The following CUL4B variants were observed in gnomAD, a reference collection of about 807,000 sequenced individuals.
CUL4B encodes the protein cullin 4B.
In CUL4B, 1 loss-of-function variant was observed where a neutral mutation model predicts 69.2. That is an observed-to-expected ratio of 0.01 (90% CI 0.01 to 0.07). The LOEUF is 0.07. Among genes scored for constraint, CUL4B ranks in the 10% least tolerant of loss-of-function variants. The pLI, the probability that CUL4B is intolerant of heterozygous loss-of-function variation, is 1.00. For missense variants in CUL4B, 328 were observed against 638.8 expected (o/e 0.51, Z 5.24); for synonymous variants, 237 against 223.2 (o/e 1.06, Z -0.55).
At chrX:120,547,109 C>G (rs1924386473) in intron 3 of CUL4B, 27 bp downstream of exon 3, 1 of 1,053,584 alleles carries the variant, frequency 9.5e-7, no homozygotes, top group African/African-American at 1.9e-5. Flanking sequence ...CAAAACTATT[C>G]ACGATTTTTT....
chrX:120,565,870 C>T (rs773677360), upstream of CUL4B, among the ~76,000 whole-genome samples: 18 of 104,204 alleles, frequency 1.7e-4, no homozygotes, highest in African/African-American at 4.2e-4. Context: ...GGACTACAGG[C>T]GCCTACCACC....
chrX:120,530,703 T>C (rs1174949423), intron 18 of CUL4B, among the ~76,000 whole-genome samples: 1 of 112,195 alleles, frequency 8.9e-6, no homozygotes, highest in Non-Finnish European at 1.9e-5. Flanking sequence ...AGCAAACTAG[T>C]TAAGAGTCAA....
At chrX:120,543,451 AAAGGTCAC>A (rs1233576387) in intron 8 of CUL4B, among the ~76,000 whole-genome samples, 1 of 108,960 alleles carries the variant, frequency 9.2e-6, no homozygotes, top group African/African-American at 3.3e-5. Flanking sequence ...TGAAGAGTTT[AAAGGTCAC>A]ATCAGCCTCT....
chrX:120,554,388 T>G (rs1262763434), intron 2 of CUL4B, among the ~76,000 whole-genome samples: 1 of 111,865 alleles, frequency 8.9e-6, no homozygotes, highest in Non-Finnish European at 1.9e-5. Context: ...TTATTTGCAG[T>G]CAATTAAAAA....
intron 15 of CUL4B, among the ~76,000 whole-genome samples, 160 bp downstream of exon 15, chrX:120,536,766 CG>C (rs1355381030): frequency 2.7e-5 from 3 of 111,469 alleles, no homozygotes; most frequent in Non-Finnish European, 3.8e-5. Flanking sequence ...AAGGCTGAGG[CG>C]GGGGGGATCA....
chrX:120,574,125 A>G (rs1228350716), intron 2 of CUL4B, among the ~76,000 whole-genome samples: 1 of 104,115 alleles, frequency 9.6e-6, no homozygotes, highest in Non-Finnish European at 2.0e-5. Context: ...AGCCTCCCAA[A>G]GTGCTGAGAT....
At chrX:120,527,294 G>A (rs2147315416) in intron 19 of CUL4B, among the ~76,000 whole-genome samples, 1 of 111,711 alleles carries the variant, frequency 9.0e-6, no homozygotes, top group African/African-American at 3.2e-5. Context: ...CTGACCTCAG[G>A]TGATCCACCT....
intron 17 of CUL4B, 23 bp from the exon 18 acceptor site, chrX:120,532,617 GTTAT>G: frequency 8.6e-7 from 1 of 1,164,547 alleles, no homozygotes; most frequent in Non-Finnish European, 1.2e-6. Flanking sequence ...CAGAGGTTTA[GTTAT>G]TTGTTACCAG....
chrX:120,569,791 G>A (rs1330677857), downstream of CUL4B, among the ~76,000 whole-genome samples: 1 of 111,867 alleles, frequency 8.9e-6, no homozygotes, highest in Non-Finnish European at 1.9e-5. Flanking sequence ...GTGGGGTGCA[G>A]TGGAGGAAGG....
downstream of CUL4B, among the ~76,000 whole-genome samples, chrX:120,566,585 C>T (rs1275041589): frequency 4.7e-5 from 5 of 105,694 alleles, no homozygotes; most frequent in African/African-American, 1.4e-4. Flanking sequence ...TTAGTAGAGA[C>T]GGGGTTTCTC....
At chrX:120,537,418 C>A (rs1041228924) in intron 14 of CUL4B, among the ~76,000 whole-genome samples, 1 of 110,665 alleles carries the variant, frequency 9.0e-6, no homozygotes, top group Admixed American at 9.6e-5. Flanking sequence ...CCTCACCCCC[C>A]AGCCAGCCCA....
intron 2 of CUL4B, among the ~76,000 whole-genome samples, chrX:120,548,581 C>A (rs1038561558): frequency 9.0e-6 from 1 of 110,835 alleles, no homozygotes; most frequent in Admixed American, 9.7e-5. Context: ...TGCTTGTAAT[C>A]CCAGCGGTTT....
intron 19 of CUL4B, among the ~76,000 whole-genome samples, chrX:120,527,981 A>G (rs974465541): frequency 1.8e-5 from 2 of 112,683 alleles, no homozygotes; most frequent in African/African-American, 6.4e-5. Flanking sequence ...GTAACTTCAC[A>G]TGAGCACTGT....
At chrX:120,556,263 T>C (rs1311482787) in intron 2 of CUL4B, among the ~76,000 whole-genome samples, 1 of 111,972 alleles carries the variant, frequency 8.9e-6, no homozygotes, top group Admixed American at 9.5e-5. Context: ...ATGCTTATAA[T>C]GTTACACGGC....
intron 1 of CUL4B, among the ~76,000 whole-genome samples, chrX:120,574,829 GT>G (rs1472183834): frequency 9.0e-6 from 1 of 111,468 alleles, no homozygotes; most frequent in African/African-American, 3.3e-5. Flanking sequence ...TCTTTTACTC[GT>G]TTTTTTCTTC....
At position 120,535,858 on chromosome X, in the gene CUL4B, T is replaced by C; in HGVS notation, c.2132A>G (p.His711Arg). 8.3e-7 allele frequency: 1 copy of C among 1,204,199 alleles called. No homozygotes were observed. Among genetic ancestry groups the C allele is most frequent in the Non-Finnish European group, 1.1e-6 (1 of 888,826 alleles). ...TTTAAATTCTGCTTTTAACACACAG[T>C]GTCCTAGGGTTGACTGCCACTGAAG... ...RKLQWQSTLG[H>R]CVLKAEFKEG... Residue 711 changes from histidine to arginine, a missense_variant, in exon 16 of 20, where the codon CAC becomes CGC. Transcript: ENST00000371322.
At chrX:120,545,623 C>T (rs1924268750) in intron 4 of CUL4B, 106 bp from the exon 5 acceptor site, 1 of 535,462 alleles carries the variant, frequency 1.9e-6, no homozygotes. Context: ...ATATATATTA[C>T]ATTACTAAGA....
rs145931683 is a variant in CUL4B at position 120,549,753 on chromosome X, A to G, written c.673-2514T>C. Among the ~76,000 whole-genome samples the G allele has an allele frequency of 4.0e-3, 450 of 111,453 alleles. 4 individuals are homozygous for G. Among genetic ancestry groups the G allele is most frequent in the African/African-American group, 0.014 (436 of 30,688 alleles). On this transcript the variant is annotated intron_variant, in intron 2 of 19. Coordinates refer to ENST00000371322, the MANE Select transcript of CUL4B (RefSeq NM_001079872.2). ...GCCACAAATGCTTAAGGGAATTTAC[A>G]TTTATTTCATGTGCCTCTCTGTTCA... is the stretch of plus-strand genomic sequence containing the variant.
At chrX:120,534,367 GA>G (rs990228511) in intron 17 of CUL4B, 113 bp downstream of exon 17, 88 of 491,794 alleles carry the variant, frequency 1.8e-4, no homozygotes, top group East Asian at 5.8e-4. Context: ...TAAAAAAAAA[GA>G]AAAAAAAAAC....
Sources: allele counts gnomAD v4.1 joint callset (sites outside exome capture counted in the v4.1 genomes callset), GRCh38; gene constraint gnomAD v4.1.1; transcripts MANE v1.5; gene names NCBI Gene and HGNC (gene_info 2026-07-23, HGNC 2026-07-21).